Variants in ELMO1 observed in about 807,000 individuals in gnomAD.
ELMO1 encodes the protein engulfment and cell motility protein 1.
ELMO1 carries 26 observed loss-of-function variants against 98.9 expected under a neutral mutation model. The observed-to-expected ratio is 0.26, with a 90% confidence interval of 0.19 to 0.36. ELMO1 has a LOEUF of 0.36. Ranked by LOEUF, ELMO1 falls within the 10% of genes least tolerant of loss-of-function variation. ELMO1 has a pLI of 1.00. For synonymous variants in ELMO1, 346 were observed against 346.0 expected (o/e 1.00, Z 0.00); for missense variants, 627 against 935.2 (o/e 0.67, Z 4.30).
chr7:37,391,004 G>GTCCC (rs1554304292), intron 1 of ELMO1, among the ~76,000 whole-genome samples: 5 of 136,466 alleles, frequency 3.7e-5, no homozygotes, highest in Non-Finnish European at 6.4e-5. Flanking sequence ...TGGGAAAGTA[G>GTCCC]TCCCTTCCTT....
chr7:36,996,866 C>T (rs942929826), intron 16 of ELMO1, among the ~76,000 whole-genome samples: 2 of 152,098 alleles, frequency 1.3e-5, no homozygotes, highest in African/African-American at 2.4e-5. Flanking sequence ...GTATGACTAA[C>T]GATAGGTTAG....
intron 1 of ELMO1, among the ~76,000 whole-genome samples, chr7:37,361,644 C>A (rs1268330562): frequency 6.6e-6 from 1 of 152,146 alleles, no homozygotes; most frequent in East Asian, 1.9e-4. Context: ...CTAGAAAATT[C>A]TAGAAAAGGC....
intron 1 of ELMO1, among the ~76,000 whole-genome samples, chr7:37,366,542 G>A (rs1332589825): frequency 6.6e-6 from 1 of 152,150 alleles, no homozygotes; most frequent in Non-Finnish European, 1.5e-5. Context: ...GCACAAGCAA[G>A]ACAAAGTTAT....
At chr7:36,944,348 G>T (rs543159429) in intron 16 of ELMO1, among the ~76,000 whole-genome samples, 1 of 152,142 alleles carries the variant, frequency 6.6e-6, no homozygotes, top group Non-Finnish European at 1.5e-5. Flanking sequence ...TTTTTAAAAT[G>T]GAGAAGTTGA....
chr7:37,061,577 G>A (rs1420160058), intron 15 of ELMO1, among the ~76,000 whole-genome samples: 2 of 152,126 alleles, frequency 1.3e-5, no homozygotes, highest in Admixed American at 6.5e-5. Context: ...AGGTGGACTA[G>A]TGGAGAAGAG....
intron 1 of ELMO1, among the ~76,000 whole-genome samples, chr7:37,413,715 T>C (rs1804090295): frequency 6.6e-6 from 1 of 152,134 alleles, no homozygotes; most frequent in Non-Finnish European, 1.5e-5. Flanking sequence ...TCTTGCTCTG[T>C]CACTCAGGCT....
intron 1 of ELMO1, among the ~76,000 whole-genome samples, chr7:37,347,226 A>G (rs1801049991): frequency 6.6e-6 from 1 of 152,210 alleles, no homozygotes; most frequent in Non-Finnish European, 1.5e-5. Flanking sequence ...TAAGGCTTCT[A>G]TATATAATCA....
chr7:37,369,411 G>A (rs1802025197), intron 1 of ELMO1, among the ~76,000 whole-genome samples: 1 of 152,046 alleles, frequency 6.6e-6, no homozygotes, highest in Non-Finnish European at 1.5e-5. Context: ...AAAAAGCTTT[G>A]CATCTTGAAG....
chr7:37,101,799 G>A (rs1784659384), intron 14 of ELMO1, among the ~76,000 whole-genome samples: 1 of 151,784 alleles, frequency 6.6e-6, no homozygotes, highest in South Asian at 2.1e-4. Context: ...AGTCTGTCTG[G>A]CTCTCTCTCC....
At chr7:37,429,910 A>G (rs1030460471) in intron 1 of ELMO1, among the ~76,000 whole-genome samples, 5 of 152,224 alleles carry the variant, frequency 3.3e-5, no homozygotes, top group Non-Finnish European at 5.9e-5. Flanking sequence ...GATTTTAGGA[A>G]ATTACTCCAG....
At chr7:37,408,468 C>A (rs1327940039) in intron 1 of ELMO1, among the ~76,000 whole-genome samples, 1 of 152,164 alleles carries the variant, frequency 6.6e-6, no homozygotes, top group African/African-American at 2.4e-5. Context: ...ACTGTGTACA[C>A]TGCAGCGTTA....
intron 4 of ELMO1, among the ~76,000 whole-genome samples, chr7:37,295,645 T>A (rs1439567430): frequency 2.0e-5 from 3 of 152,224 alleles, no homozygotes; most frequent in Non-Finnish European, 4.4e-5. Flanking sequence ...GCAGTCTTTT[T>A]AAAAAGCACC....
chr7:36,982,073 C>T (rs1316596960), intron 16 of ELMO1, among the ~76,000 whole-genome samples: 3 of 152,154 alleles, frequency 2.0e-5, no homozygotes, highest in African/African-American at 7.2e-5. Context: ...TGTGACTGTG[C>T]AGCTGAATTG....
At chr7:37,008,945 G>C (rs1464209725) in intron 16 of ELMO1, among the ~76,000 whole-genome samples, 7 of 152,190 alleles carry the variant, frequency 4.6e-5, no homozygotes, top group African/African-American at 1.7e-4. Flanking sequence ...CTGTGGTGCG[G>C]TTGGCCGGTG....
chr7:36,861,556 A>G, intron 21 of ELMO1, 103 bp downstream of exon 21: 2 of 1,371,652 alleles, frequency 1.5e-6, no homozygotes, highest in Non-Finnish European at 1.0e-6. Flanking sequence ...TTGGTTCATC[A>G]TTTTTTCAGG....
intron 13 of ELMO1, among the ~76,000 whole-genome samples, chr7:37,140,220 A>C (rs1787532391): frequency 1.3e-5 from 2 of 151,844 alleles, no homozygotes; most frequent in Admixed American, 6.6e-5. Context: ...CTAAAAAAAA[A>C]AAAAAAATAC....
chr7:37,239,817 C>T (rs1194123253), intron 7 of ELMO1, among the ~76,000 whole-genome samples: 1 of 152,210 alleles, frequency 6.6e-6, no homozygotes, highest in Non-Finnish European at 1.5e-5. Flanking sequence ...GGTATCCCCA[C>T]CATGTTCAAT....
chr7:37,056,041 G>A (rs142348556), intron 15 of ELMO1, among the ~76,000 whole-genome samples: 1 of 152,314 alleles, frequency 6.6e-6, no homozygotes, highest in East Asian at 1.9e-4. Context: ...TGTAAAGGCA[G>A]AATCCTACCC....
intron 2 of ELMO1, among the ~76,000 whole-genome samples, chr7:37,326,040 C>T (rs1306873571): frequency 6.6e-6 from 1 of 152,178 alleles, no homozygotes; most frequent in Non-Finnish European, 1.5e-5. Flanking sequence ...AAGGCTGTGT[C>T]TATACCCTAT....
Sources: allele counts gnomAD v4.1 joint callset (sites outside exome capture counted in the v4.1 genomes callset), GRCh38; gene constraint gnomAD v4.1.1; transcripts MANE v1.5; gene names NCBI Gene and HGNC (gene_info 2026-07-23, HGNC 2026-07-21).